Variants in FMN2 observed in about 807,000 individuals in gnomAD.
The protein encoded by FMN2 is formin 2, also known as formin-2.
Under a neutral mutation model 142.3 loss-of-function variants are expected in FMN2, and 51 were observed. The observed-to-expected ratio is 0.36, with a 90% CI of 0.29 to 0.45. The LOEUF is 0.45. Ranked by LOEUF, FMN2 falls within the 20% of genes least tolerant of loss-of-function variation. The pLI, the probability that FMN2 is intolerant of heterozygous loss-of-function variation, is 1.00. For synonymous variants in FMN2, 882 were observed against 869.8 expected (o/e 1.01, Z -0.25); for missense variants, 1,936 against 2,122.8 (o/e 0.91, Z 1.73).
chr1:240,389,510 A>G (rs1238930259), intron 14 of FMN2, among the ~76,000 whole-genome samples: 1 of 152,196 alleles, frequency 6.6e-6, no homozygotes, highest in Admixed American at 6.5e-5. Flanking sequence ...CTTGCTCCAT[A>G]AATGAATGGC....
At chr1:240,324,102 T>C (rs893928415) in intron 8 of FMN2, among the ~76,000 whole-genome samples, 1 of 152,250 alleles carries the variant, frequency 6.6e-6, no homozygotes, top group Admixed American at 6.5e-5. Context: ...CCCCTTACCA[T>C]AATAGTGAGT....
chr1:240,252,437 G>T (rs551684642), intron 6 of FMN2, among the ~76,000 whole-genome samples: 40 of 152,126 alleles, frequency 2.6e-4, no homozygotes, highest in African/African-American at 8.0e-4. Flanking sequence ...TTTATTGTAG[G>T]CCCAGTCTTT....
intron 14 of FMN2, among the ~76,000 whole-genome samples, chr1:240,371,108 TTTTTTTA>T (rs1229636729): frequency 1.3e-5 from 2 of 151,980 alleles, no homozygotes; most frequent in African/African-American, 2.4e-5. Flanking sequence ...CCAGCTGATT[TTTTTTTA>T]TTTTTTGTTT....
intron 6 of FMN2, among the ~76,000 whole-genome samples, chr1:240,225,200 A>G (rs1314291064): frequency 6.6e-6 from 1 of 152,190 alleles, no homozygotes; most frequent in Non-Finnish European, 1.5e-5. Context: ...AGCTGTGTAC[A>G]TACCCAAGGC....
intron 1 of FMN2, among the ~76,000 whole-genome samples, chr1:240,101,491 CGTGTGT>C (rs140467095): frequency 6.6e-6 from 1 of 150,468 alleles, no homozygotes; most frequent in Non-Finnish European, 1.5e-5. Flanking sequence ...ACAATAGGAC[CGTGTGT>C]GTGTGTGTGT....
chr1:240,346,802 A>G (rs1435479702), intron 13 of FMN2, among the ~76,000 whole-genome samples: 4 of 152,198 alleles, frequency 2.6e-5, no homozygotes, highest in South Asian at 2.1e-4. Context: ...AGCCTTTCCT[A>G]TACTTTATGA....
intron 2 of FMN2, among the ~76,000 whole-genome samples, chr1:240,153,427 C>T (rs781713493): frequency 3.4e-4 from 45 of 133,720 alleles, no homozygotes; most frequent in Non-Finnish European, 5.7e-4. Context: ...GTTGTACGAT[C>T]ATAGCTCACT....
intron 1 of FMN2, among the ~76,000 whole-genome samples, chr1:240,122,079 T>TTAATTA (rs34680769): frequency 0.27 from 33,528 of 123,534 alleles, 4,527 homozygotes; most frequent in Non-Finnish European, 0.36. Context: ...TTAATTAATT[T>TTAATTA]ATTTATTTAT....
intron 14 of FMN2, among the ~76,000 whole-genome samples, chr1:240,380,278 G>A (rs1392013368): frequency 1.3e-5 from 2 of 152,030 alleles, no homozygotes; most frequent in African/African-American, 4.8e-5. Context: ...ATAATATTAA[G>A]TGTCTTCTCA....
At chr1:240,270,764 A>G (rs984940449) in intron 7 of FMN2, among the ~76,000 whole-genome samples, 3 of 152,072 alleles carry the variant, frequency 2.0e-5, no homozygotes, top group Non-Finnish European at 4.4e-5. Context: ...CTACGATCAC[A>G]TTTATATGTG....
At chr1:240,262,816 A>G (rs1279134083) in intron 7 of FMN2, among the ~76,000 whole-genome samples, 1 of 138,478 alleles carries the variant, frequency 7.2e-6, no homozygotes, top group Non-Finnish European at 1.5e-5. Flanking sequence ...GGCATAGTTC[A>G]GTGGCGCAAT....
At chr1:240,451,643 C>A (rs1676049254) in intron 16 of FMN2, among the ~76,000 whole-genome samples, 1 of 152,050 alleles carries the variant, frequency 6.6e-6, no homozygotes, top group Non-Finnish European at 1.5e-5. Flanking sequence ...CTAAAGATGA[C>A]CTCTGTCTCC....
rs571371362 is a variant in FMN2, at chr1:240,423,613, G to A, written c.4911-14448G>A. ...AGCCTTTTTTGCTGTACTCCCAAAG[G>A]ACAATGATATTGGGAGAAGAAAGTA... On this transcript the variant is annotated intron_variant, in intron 15 of 17. Coordinates refer to ENST00000319653, the MANE Select transcript of FMN2 (RefSeq NM_020066.5). 1.4e-4 allele frequency among the ~76,000 whole-genome samples: 21 copies of A among 152,238 alleles called. No homozygotes were observed. The South Asian group carries it at 4.4e-3, about 32-fold the overall frequency.
intron 15 of FMN2, 93 bp from the exon 16 acceptor site, chr1:240,437,968 C>A: frequency 7.0e-7 from 1 of 1,429,246 alleles, no homozygotes; most frequent in Non-Finnish European, 9.5e-7. Context: ...AATAATTGTG[C>A]ATGAATAAAA....
chr1:240,352,522 A>G (rs1672127972), intron 13 of FMN2, among the ~76,000 whole-genome samples: 1 of 152,180 alleles, frequency 6.6e-6, no homozygotes, highest in Non-Finnish European at 1.5e-5. Context: ...TGGAGGTTGC[A>G]GTGAGTCAAG....
chr1:240,431,350 G>A (rs1675164544), intron 15 of FMN2, among the ~76,000 whole-genome samples: 1 of 149,340 alleles, frequency 6.7e-6, no homozygotes, highest in Admixed American at 6.7e-5. Flanking sequence ...GTTCTAACAG[G>A]TTTTGTTATG....
intron 1 of FMN2, among the ~76,000 whole-genome samples, chr1:240,094,143 T>C (rs1262505792): frequency 6.6e-6 from 1 of 152,202 alleles, no homozygotes; most frequent in Non-Finnish European, 1.5e-5. Context: ...AAGAGTCGGT[T>C]TTGGAGGCAC....
chr1:240,228,902 C>G (rs549078646), intron 6 of FMN2, among the ~76,000 whole-genome samples: 10 of 151,862 alleles, frequency 6.6e-5, no homozygotes, highest in Admixed American at 6.6e-4. Flanking sequence ...AAATTTATAA[C>G]TTTTTTCTTT....
chr1:240,276,521 G>T (rs1293665708), intron 7 of FMN2, among the ~76,000 whole-genome samples: 1 of 152,114 alleles, frequency 6.6e-6, no homozygotes, highest in Non-Finnish European at 1.5e-5. Flanking sequence ...CTTGAGATGA[G>T]TCAATCATCT....
Sources: gnomAD v4.1 joint callset for allele counts (sites outside exome capture counted in the v4.1 genomes callset) on GRCh38, gnomAD v4.1.1 for gene constraint, MANE v1.5 for transcripts, NCBI Gene and HGNC (gene_info 2026-07-23, HGNC 2026-07-21) for gene names.